The following SMG7 variants were observed in gnomAD, a reference collection of about 807,000 sequenced individuals.
The protein encoded by SMG7 is nonsense-mediated mRNA decay factor SMG7.
A neutral mutation model predicts 148.2 loss-of-function variants in SMG7; 34 were observed. The observed-to-expected ratio is 0.23, with a 90% CI of 0.17 to 0.31. The LOEUF is 0.31. SMG7 is among the 10% of genes least tolerant of loss of function. SMG7 has a pLI of 1.00. For synonymous variants in SMG7, 492 were observed against 515.1 expected, an observed-to-expected ratio of 0.96 and a Z score of 0.61; for missense variants, 1,114 against 1,408.4, an observed-to-expected ratio of 0.79 and a Z score of 3.35.
At position 183,551,157 on chromosome 1, in the gene SMG7, G is replaced by T. The variant is rs778238772; in HGVS notation, c.3417G>T (p.Glu1139Asp). ...GGACAGGCCATGGCCCTTCCATGGA[G>T]GATTCCTCTGCTGTCCTCATGGAAA... The part of the protein sequence containing the change: ...GTWTGHGPSM[E>D]DSSAVLMESL... The change falls in exon 22 of 23, where the codon GAG (glutamate) becomes GAT (aspartate). Residue 1139 changes from glutamate (E) to aspartate (D), a missense_variant. By Grantham distance (45) the Glu-to-Asp change is conservative. This residue lies in a region of SMG7 where 788 missense variants were observed against 894.5 expected (regional missense o/e 0.88). Transcript: ENST00000688051. 1 of 1,585,250 alleles carries T rather than the reference G, an allele frequency of 6.3e-7. No homozygotes were observed. The highest frequency in any genetic ancestry group is 8.5e-7 in the Non-Finnish European group (1 of 1,173,096).
intron 8 of SMG7, among the ~76,000 whole-genome samples, chr1:183,532,299 C>A (rs1464427053): frequency 6.6e-6 from 1 of 152,104 alleles, no homozygotes; most frequent in Non-Finnish European, 1.5e-5. Context: ...CAAAAATTTC[C>A]CCTGGGCATA....
rs761938637 is a variant in SMG7, at chr1:183,528,976, C to T, written c.641C>T (p.Ala214Val). The change falls in exon 7 of 23, where the codon GCT becomes GTT. Residue 214 changes from alanine to valine, a missense_variant. By Grantham distance (64) the Ala-to-Val change is moderately conservative (BLOSUM62 0). Around this residue, in one of 4 missense-constraint regions of SMG7, gnomAD observed 216 missense variants for 329.1 expected, o/e 0.66. Coordinates refer to ENST00000688051, the MANE Select transcript of SMG7 (RefSeq NM_001375584.1). ...TTIFYYCRSI[A>V]VKFPFPAAST... Reference sequence around the variant, plus strand: ...ATTTTCTACTACTGCAGAAGCATTGCTGTGAAGTTCCCTTTCCCAGCTGCC... The same window carrying T: ...ATTTTCTACTACTGCAGAAGCATTGTTGTGAAGTTCCCTTTCCCAGCTGCC... 6.2e-7 allele frequency: 1 copy of T among 1,613,618 alleles called. No individual in the cohort carries two copies. Among genetic ancestry groups the T allele is most frequent in the Non-Finnish European group, 8.5e-7 (1 of 1,179,620 alleles).
chr1:183,486,221 G>A (rs182493723), intron 1 of SMG7, among the ~76,000 whole-genome samples: 4 of 152,264 alleles, frequency 2.6e-5, no homozygotes, highest in South Asian at 4.1e-4. Context: ...GTAAATGTTG[G>A]CTAATAATAT....
At chr1:183,537,306 A>G in intron 11 of SMG7, 91 bp downstream of exon 11, 1 of 907,672 alleles carries the variant, frequency 1.1e-6, no homozygotes, top group East Asian at 2.4e-5. Flanking sequence ...TTGGTGATGA[A>G]TGATTGATTT....
In SMG7 at chr1:183,549,222, G is replaced by A; in HGVS notation, c.2907G>A (p.Glu969=). The A allele has an allele frequency of 5.6e-6, 9 of 1,613,018 alleles. No homozygotes were observed. Among genetic ancestry groups the A allele is most frequent in the African/African-American group, 4.0e-5 (3 of 74,970 alleles). Residue 969 remains glutamate (E), a synonymous_variant, in exon 19 of 23, where the codon GAG becomes GAA. Transcript: ENST00000688051. ...PGRSLFKSLL[E]KPSELMSHSS... ...GGACTGTGAAGAAATCCTTATTGGA[G>A]AAGCCCTCAGAGCTCATGTCACATT...
intron 1 of SMG7, among the ~76,000 whole-genome samples, chr1:183,504,197 A>G (rs750125307): frequency 1.3e-5 from 2 of 152,144 alleles, no homozygotes; most frequent in Admixed American, 6.5e-5. Context: ...GTAGGTATCT[A>G]CCAGTGTTAT....
intron 1 of SMG7, among the ~76,000 whole-genome samples, chr1:183,502,563 C>A (rs151147061): frequency 1.2e-4 from 18 of 152,184 alleles, no homozygotes; most frequent in African/African-American, 3.1e-4. Context: ...TTCTTGAGAA[C>A]CTTGGCTTAT....
In SMG7 at chr1:183,552,650, G is replaced by A. The variant is rs895829048; in HGVS notation, c.*719G>A. 13 of 1,100,258 alleles carry A rather than the reference G, an allele frequency of 1.2e-5. No individual in the cohort carries two copies. Among genetic ancestry groups the A allele is most frequent in the Non-Finnish European group, 1.3e-5 (12 of 899,546 alleles). The allele number at this position is 1,100,258 out of a possible 1,614,324, so 68.2% of individuals were successfully genotyped here. ...AATGCCCTTCACTCTGTAGGTGCTC[G>A]AGCCCCAATCGAGGATACAGTGTGG... On this transcript the variant is annotated 3_prime_UTR_variant, in exon 23 of 23. Coordinates refer to ENST00000688051, the MANE Select transcript of SMG7 (RefSeq NM_001375584.1).
intron 3 of SMG7, among the ~76,000 whole-genome samples, chr1:183,516,726 T>A (rs1663633480): frequency 6.6e-6 from 1 of 152,228 alleles, no homozygotes; most frequent in Non-Finnish European, 1.5e-5. Context: ...ATACTTTATA[T>A]TTTTAGGAAG....
chr1:183,551,773 A>G (rs920267472), intron 22 of SMG7, 45 bp from the exon 23 acceptor site: 5 of 1,464,692 alleles, frequency 3.4e-6, no homozygotes, highest in Admixed American at 2.0e-5. Context: ...CTTTCAGACA[A>G]CTTGGCATTT....
intron 17 of SMG7, among the ~76,000 whole-genome samples, 153 bp downstream of exon 17, chr1:183,546,490 TCA>T (rs2102784332): frequency 6.6e-6 from 1 of 152,290 alleles, no homozygotes; most frequent in South Asian, 2.1e-4. Flanking sequence ...GGTTTCCTCC[TCA>T]GAGTTGCACA....
At chr1:183,475,321 G>A (rs1268158591) in intron 1 of SMG7, among the ~76,000 whole-genome samples, 1 of 152,192 alleles carries the variant, frequency 6.6e-6, no homozygotes, top group African/African-American at 2.4e-5. Context: ...CTAGGAAGAG[G>A]AATAAAGTAA....
chr1:183,533,246 G>A lies in SMG7; in HGVS notation c.926G>A (p.Arg309His). The change falls in exon 9 of 23, where the codon CGT (arginine) becomes CAT (histidine). Residue 309 changes from arginine to histidine, a missense_variant. By Grantham distance (29) the Arg-to-His change is conservative. Coordinates refer to ENST00000688051, the MANE Select transcript of SMG7 (RefSeq NM_001375584.1). Reference protein sequence around the residue: ...VINLFQLHHLRDFSNETEQHT... With the variant: ...VINLFQLHHLHDFSNETEQHT... ...AACCTGTTTCAACTTCATCACCTTC[G>A]TGACTTTAGCAATGAAACCGAGCAG... 2.5e-6 allele frequency: 4 copies of A among 1,613,888 alleles called. No homozygotes were observed. Among genetic ancestry groups the A allele is most frequent in the Non-Finnish European group, 3.4e-6 (4 of 1,179,834 alleles).
intron 16 of SMG7, 75 bp downstream of exon 16, chr1:183,545,387 C>G (rs1370348443): frequency 1.3e-6 from 2 of 1,484,586 alleles, no homozygotes; most frequent in African/African-American, 2.8e-5. Flanking sequence ...GTTAGAAATG[C>G]TCATTAAACT....
At chr1:183,486,691 G>A in intron 1 of SMG7, among the ~76,000 whole-genome samples, 1 of 151,954 alleles carries the variant, frequency 6.6e-6, no homozygotes, top group South Asian at 2.1e-4. Flanking sequence ...TTACAGGCGT[G>A]AGCCACCACA....
rs1452056245 is a variant in SMG7, at chr1:183,510,960, CAGCCTGGGCAACAGAGCG to C, written c.30-1874_30-1857del. Among the ~76,000 whole-genome samples the C allele has an allele frequency of 1.0e-3, 154 of 151,302 alleles. 3 individuals carry two copies. The highest frequency in any genetic ancestry group is 2.4e-4 in the Non-Finnish European group (16 of 67,862). The stretch of plus-strand genomic sequence containing the variant: ...GAGCCGAGATCGTGCTGCTGCACTC[CAGCCTGGGCAACAGAGCG>C]AGACTCCGTCTTAAGAAAAAAAAAA... On this transcript the variant is annotated intron_variant, in intron 1 of 22. Transcript: ENST00000688051.
At chr1:183,513,220 C>T (rs542694686) in intron 2 of SMG7, 25 of 187,248 alleles carry the variant, frequency 1.3e-4, no homozygotes, top group African/African-American at 4.9e-4. Flanking sequence ...AGGCTAATAT[C>T]TTTCTGGGAA....
At chr1:183,530,161 G>A (rs540977452) in intron 8 of SMG7, among the ~76,000 whole-genome samples, 3 of 152,098 alleles carry the variant, frequency 2.0e-5, no homozygotes, top group African/African-American at 7.2e-5. Flanking sequence ...CTACTCATCG[G>A]TCATTGTTTT....
At chr1:183,488,223 G>A (rs903727438) in intron 1 of SMG7, among the ~76,000 whole-genome samples, 5 of 152,210 alleles carry the variant, frequency 3.3e-5, no homozygotes, top group South Asian at 2.1e-4. Context: ...AGGAAGGTGG[G>A]TAGGTTTTGA....
Sources: allele counts gnomAD v4.1 joint callset (sites outside exome capture counted in the v4.1 genomes callset), GRCh38; gene constraint gnomAD v4.1.1; regional missense constraint gnomAD v4.1.1; transcripts MANE v1.5; gene names NCBI Gene and HGNC (gene_info 2026-07-23, HGNC 2026-07-21).